The following GALNT13 variants were observed in gnomAD, a reference collection of about 807,000 sequenced individuals.
GALNT13 encodes UDP-GalNAc:polypeptide N-acetylgalactosaminyltransferase 13.
A neutral mutation model predicts 64.2 loss-of-function variants in GALNT13; 28 were observed. That is an observed-to-expected ratio of 0.44 (90% CI 0.32 to 0.60). GALNT13 has a LOEUF of 0.60. Ranked by LOEUF, GALNT13 falls within the 20% of genes least tolerant of loss-of-function variation. The pLI is 0.05. For missense variants in GALNT13, 577 were observed against 669.8 expected, an observed-to-expected ratio of 0.86 and a Z score of 1.53; for synonymous variants, 214 against 224.6, an observed-to-expected ratio of 0.95 and a Z score of 0.42.
intron 8 of GALNT13, among the ~76,000 whole-genome samples, chr2:154,298,636 T>TTATATATACATTGTATATACAAA (rs1693161201): frequency 7.5e-5 from 1 of 13,370 alleles, no homozygotes; most frequent in Non-Finnish European, 1.6e-4. Flanking sequence ...GTATATATAA[T>TTATATATACATTGTATATACAAA]TTATATATAC....
chr2:154,140,476 T>C lies in GALNT13; in HGVS notation c.282T>C (p.Asn94=). 2 of 1,611,534 alleles carry C rather than the reference T, an allele frequency of 1.2e-6. No homozygotes were observed. The highest frequency in any genetic ancestry group is 8.5e-7 in the Non-Finnish European group (1 of 1,178,300). Residue 94 remains asparagine, a synonymous_variant, in exon 4 of 13, where the codon AAT becomes AAC. Transcript: ENST00000392825. Reference sequence around the variant, plus strand: ...TGGCCAGTGATTTGATTGCCCTTAATAGAAGTCTGCCAGATGTAAGATTAG... The same window carrying C: ...TGGCCAGTGATTTGATTGCCCTTAACAGAAGTCTGCCAGATGTAAGATTAG... ...NLMASDLIAL[N]RSLPDVRLEG...
intron 3 of GALNT13, among the ~76,000 whole-genome samples, chr2:154,032,502 C>T (rs1316513640): frequency 6.6e-6 from 1 of 151,412 alleles, no homozygotes; most frequent in African/African-American, 2.4e-5. Context: ...AATATAGATA[C>T]AAGAATCTTC....
intron 4 of GALNT13, among the ~76,000 whole-genome samples, chr2:154,180,629 C>T (rs1409349091): frequency 3.9e-5 from 6 of 151,988 alleles, no homozygotes; most frequent in Admixed American, 6.6e-5. Context: ...GCATAATAAG[C>T]GTAGTTAAAA....
At chr2:153,093,249 T>TG in the GALNT13 span, among the ~76,000 whole-genome samples, 1 of 149,084 alleles carries the variant, frequency 6.7e-6, no homozygotes, top group Non-Finnish European at 1.5e-5. Context: ...TTCTTTTTTT[T>TG]TTTTGTGGAC....
At chr2:153,861,924 A>G in the GALNT13 span, among the ~76,000 whole-genome samples, 1 of 152,130 alleles carries the variant, frequency 6.6e-6, no homozygotes, top group Non-Finnish European at 1.5e-5. Context: ...TAGGTCTTAT[A>G]TCAATTTTTA....
chr2:153,328,794 C>A, the GALNT13 span, among the ~76,000 whole-genome samples: 10 of 152,042 alleles, frequency 6.6e-5, no homozygotes, highest in Non-Finnish European at 1.3e-4. Context: ...TAGCTTCAGC[C>A]CCCTTTCCAA....
chr2:153,319,213 G>A, the GALNT13 span, among the ~76,000 whole-genome samples: 493 of 152,228 alleles, frequency 3.2e-3, 4 homozygotes, highest in African/African-American at 0.011. Context: ...ATTGTAGGGC[G>A]AAACCATGCA....
the GALNT13 span, among the ~76,000 whole-genome samples, chr2:153,620,289 A>G: frequency 6.6e-6 from 1 of 151,750 alleles, no homozygotes; most frequent in Admixed American, 6.6e-5. Flanking sequence ...ACACCTGGCT[A>G]GTTTTTCTAT....
intron 2 of GALNT13, among the ~76,000 whole-genome samples, chr2:153,915,247 A>G (rs1019454402): frequency 5.9e-5 from 9 of 152,162 alleles, no homozygotes; most frequent in Non-Finnish European, 8.8e-5. Flanking sequence ...CTAAAAGGCT[A>G]AATTTTGCTT....
the GALNT13 span, among the ~76,000 whole-genome samples, chr2:153,101,984 A>G: frequency 6.6e-6 from 1 of 152,394 alleles, no homozygotes; most frequent in South Asian, 2.1e-4. Flanking sequence ...ATGCATAGAC[A>G]TAAATGCTAT....
At chr2:154,187,676 C>A (rs1376964319) in intron 4 of GALNT13, among the ~76,000 whole-genome samples, 1 of 151,750 alleles carries the variant, frequency 6.6e-6, no homozygotes, top group Non-Finnish European at 1.5e-5. Context: ...CATGTGAGCT[C>A]AAAACTGGAT....
chr2:154,302,070 T>A (rs2105097932), intron 9 of GALNT13, among the ~76,000 whole-genome samples: 1 of 152,146 alleles, frequency 6.6e-6, no homozygotes, highest in Admixed American at 6.5e-5. Context: ...TATATTGAAA[T>A]AGAAGTAAAC....
At chr2:153,934,563 A>G (rs1262348784) in intron 2 of GALNT13, among the ~76,000 whole-genome samples, 1 of 152,192 alleles carries the variant, frequency 6.6e-6, no homozygotes, top group African/African-American at 2.4e-5. Context: ...TCACGTGTCA[A>G]TGCAGTTTGT....
chr2:154,417,521 A>ATTTATTTTT lies in GALNT13; in HGVS notation c.1395+8442_1395+8443insATTTTTTTT, dbSNP rs1553529811. ...TATTTATTTATTTATTTATTTATTT[A>ATTTATTTTT]TTTTTTTGAGGCGGAGTCTTGCTCT... On this transcript the variant is annotated intron_variant, in intron 11 of 12. Transcript: ENST00000392825. Among the ~76,000 whole-genome samples the ATTTATTTTT allele has an allele frequency of 4.3e-3, 595 of 139,102 alleles. 7 individuals carry two copies. Among genetic ancestry groups the ATTTATTTTT allele is most frequent in the East Asian group, 0.024 (112 of 4,682 alleles). 91.3% of individuals were successfully genotyped at this position (139,102 alleles called of 152,430 possible). A position where few individuals can be genotyped will look rare whatever the true frequency, so the allele number is the denominator to read the frequency against.
the GALNT13 span, among the ~76,000 whole-genome samples, chr2:153,080,004 G>A: frequency 6.6e-6 from 1 of 152,000 alleles, no homozygotes; most frequent in Non-Finnish European, 1.5e-5. Flanking sequence ...TTTTTTTCCT[G>A]TAAAATATCA....
At chr2:153,972,688 A>T (rs1464801219) in intron 3 of GALNT13, among the ~76,000 whole-genome samples, 1 of 152,028 alleles carries the variant, frequency 6.6e-6, no homozygotes, top group East Asian at 1.9e-4. Context: ...GTGTATTCAT[A>T]TTAATATAAG....
the GALNT13 span, among the ~76,000 whole-genome samples, chr2:153,712,236 A>G: frequency 2.6e-5 from 4 of 152,192 alleles, no homozygotes; most frequent in South Asian, 2.1e-4. Context: ...TATTATTTCA[A>G]TGTGACAGTT....
At chr2:153,407,523 A>G in the GALNT13 span, among the ~76,000 whole-genome samples, 2 of 152,166 alleles carry the variant, frequency 1.3e-5, no homozygotes, top group Non-Finnish European at 2.9e-5. Flanking sequence ...AAAATACTCT[A>G]TGATTCCCAA....
the GALNT13 span, among the ~76,000 whole-genome samples, chr2:153,147,783 T>C: frequency 2.6e-5 from 4 of 151,786 alleles, no homozygotes; most frequent in Admixed American, 2.6e-4. Context: ...TTATAATGGC[T>C]CAGCTACCCT....
Sources: allele counts gnomAD v4.1 joint callset (sites outside exome capture counted in the v4.1 genomes callset), GRCh38; gene constraint gnomAD v4.1.1; transcripts MANE v1.5; gene names NCBI Gene and HGNC (gene_info 2026-07-23, HGNC 2026-07-21).